HABP2: variants seen among roughly 807,000 people sequenced by gnomAD.
HABP2 encodes factor VII-activating protease.
In HABP2, 65 loss-of-function variants were observed where a neutral mutation model predicts 66.5. The ratio of observed to expected loss-of-function variants is 0.98; its 90% confidence interval spans 0.80 to 1.20. The LOEUF (loss-of-function observed/expected upper bound fraction) is 1.20. Ranked by LOEUF, HABP2 falls within the 50% of genes most tolerant of loss-of-function variation. HABP2 has a pLI of 0.00. For missense variants in HABP2, 786 were observed against 691.0 expected (o/e 1.14, Z -1.54); for synonymous variants, 263 against 253.9 (o/e 1.04, Z -0.34).
chr10:113,555,170 T>A (rs150204846), intron 1 of HABP2, among the ~76,000 whole-genome samples: 29 of 152,352 alleles, frequency 1.9e-4, no homozygotes, highest in Admixed American at 6.5e-4. Context: ...GAACTTTCCA[T>A]GAATTGGTTC....
At position 113,578,610 on chromosome 10, in the gene HABP2, T is replaced by C; in HGVS notation, c.569-17T>C. On this transcript the variant is annotated splice_polypyrimidine_tract_variant and intron_variant, in intron 6 of 12. Transcript: ENST00000351270. Reference sequence around the variant, plus strand: ...CAATGGCTGTTGGTTCTCACATTGCTACCTGCTCTCTCGGAGGTTCTGATG... The same window carrying C: ...CAATGGCTGTTGGTTCTCACATTGCCACCTGCTCTCTCGGAGGTTCTGATG... The C allele has an allele frequency of 6.3e-7, 1 of 1,599,308 alleles. No individual in the cohort carries two copies. Among genetic ancestry groups the C allele is most frequent in the Non-Finnish European group, 8.6e-7 (1 of 1,169,192 alleles).
chr10:113,555,874 G>A (rs904073929), intron 1 of HABP2, among the ~76,000 whole-genome samples: 1 of 152,176 alleles, frequency 6.6e-6, no homozygotes, highest in South Asian at 2.1e-4. Context: ...TAAATAAGGC[G>A]TGGACTGTCT....
chr10:113,552,373 C>A (rs1844913346), upstream of HABP2, among the ~76,000 whole-genome samples: 1 of 152,196 alleles, frequency 6.6e-6, no homozygotes, highest in South Asian at 2.1e-4. Context: ...CTTGACAGAA[C>A]TCTACCTGCA....
At chr10:113,574,493 G>A (rs530453219) in intron 3 of HABP2, 88 bp downstream of exon 3, 145 of 692,326 alleles carry the variant, frequency 2.1e-4, no homozygotes, top group Middle Eastern at 1.1e-3. Flanking sequence ...CTCTCTCTCC[G>A]CCTCTCTGGC....
intron 1 of HABP2, among the ~76,000 whole-genome samples, chr10:113,562,003 A>C (rs1845108289): frequency 6.6e-6 from 1 of 151,932 alleles, no homozygotes; most frequent in Admixed American, 6.6e-5. Flanking sequence ...AGACTTTGAG[A>C]CTCTGGTGGC....
In HABP2 at chr10:113,581,734, C is replaced by T. The variant is rs575437422; in HGVS notation, c.839-142C>T. On this transcript the variant is annotated intron_variant, in intron 8 of 12. Transcript: ENST00000351270. ...ATATCAACTGTGCACCTACTGCATG[C>T]CCACCCTGTCTGCACCAGTGCAGTC... 119 of 748,152 alleles carry T rather than the reference C, an allele frequency of 1.6e-4. 3 individuals carry two copies. In the South Asian group the frequency reaches 1.6e-3, roughly 10 times the overall value. 46.3% of individuals were successfully genotyped at this position (748,152 alleles called of 1,614,324 possible).
intron 1 of HABP2, among the ~76,000 whole-genome samples, chr10:113,555,024 C>A (rs923248096): frequency 1.3e-5 from 2 of 152,150 alleles, no homozygotes; most frequent in Non-Finnish European, 2.9e-5. Flanking sequence ...CGTTCAGATG[C>A]TTTGGAGAGT....
In HABP2 at chr10:113,573,922, G is replaced by A. The variant is rs866134933; in HGVS notation, c.107-367G>A. On this transcript the variant is annotated intron_variant, in intron 2 of 12. Coordinates refer to ENST00000351270, the MANE Select transcript of HABP2 (RefSeq NM_004132.5). ...AGACCCCATGTAGGACCCTGTAGAC[G>A]TGCTAGGTCCCAATCCTCTTCCTGC... Among the ~76,000 whole-genome samples, 5 of 152,300 alleles carry A rather than the reference G, an allele frequency of 3.3e-5. 1 individual carries two copies. In the South Asian group the frequency reaches 8.3e-4, roughly 25 times the overall value.
rs767659746 is a variant in HABP2 at position 113,581,957 on chromosome 10, CAG to C, written c.925_926del (p.Arg309GlufsTer10). ...GACTCCTGTGGAAAGACTGAGATAG[CAG>C]AGAGGAAGATCAAGAGAATCTATGG... is the stretch of plus-strand genomic sequence containing the variant. On this transcript the variant is annotated frameshift_variant, in exon 9 of 13. Coordinates refer to ENST00000351270, the MANE Select transcript of HABP2 (RefSeq NM_004132.5). LOFTEE classifies it high-confidence loss of function. The C allele has an allele frequency of 6.2e-7, 1 of 1,614,104 alleles. No individual in the cohort carries two copies. Among genetic ancestry groups the C allele is most frequent in the Admixed American group, 1.7e-5 (1 of 60,028 alleles).
In HABP2 at chr10:113,588,629, A is replaced by G. The variant is rs1845724433; in HGVS notation, c.*260A>G. On this transcript the variant is annotated 3_prime_UTR_variant, in exon 13 of 13. Coordinates refer to ENST00000351270, the MANE Select transcript of HABP2 (RefSeq NM_004132.5). Reference sequence around the variant, plus strand: ...CATAGTATGTTTGCTTTCCTTACCCAATTGTACCTTCTAGAAAATCAGTGT... The same window carrying G: ...CATAGTATGTTTGCTTTCCTTACCCGATTGTACCTTCTAGAAAATCAGTGT... 2 of 526,202 alleles carry G rather than the reference A, an allele frequency of 3.8e-6. No homozygotes were observed. Among genetic ancestry groups the G allele is most frequent in the South Asian group, 3.2e-5 (1 of 31,214 alleles). The allele number at this position is 526,202 out of a possible 1,614,324, so 32.6% of individuals were successfully genotyped here. A position where few individuals can be genotyped will look rare whatever the true frequency, so the allele number is the denominator to read the frequency against.
intron 2 of HABP2, chr10:113,570,118 T>C (rs1161850176): frequency 6.6e-6 from 1 of 152,190 alleles, no homozygotes; most frequent in African/African-American, 2.4e-5. Context: ...TATAAGAGAT[T>C]CCAGGATCGT....
At chr10:113,569,391 A>T (rs1845260767) in intron 2 of HABP2, among the ~76,000 whole-genome samples, 1 of 152,208 alleles carries the variant, frequency 6.6e-6, no homozygotes, top group Admixed American at 6.5e-5. Flanking sequence ...ATCCCTGTTC[A>T]GTGTCCGACT....
chr10:113,576,041 G>T, intron 4 of HABP2, 37 bp downstream of exon 4: 1 of 1,112,562 alleles, frequency 9.0e-7, no homozygotes. Flanking sequence ...TTCCCTCTGA[G>T]TTAAACAAGA....
chr10:113,579,853 G>A (rs1265794653), intron 7 of HABP2, among the ~76,000 whole-genome samples: 1 of 151,910 alleles, frequency 6.6e-6, no homozygotes, highest in African/African-American at 2.4e-5. Context: ...CACCATCTCA[G>A]CTCACTGCAA....
At chr10:113,584,777 T>C (rs1845602784) in intron 11 of HABP2, among the ~76,000 whole-genome samples, 1 of 152,222 alleles carries the variant, frequency 6.6e-6, no homozygotes, top group African/African-American at 2.4e-5. Context: ...GTCCCATTCA[T>C]CTCTGTCTGT....
Position 113,585,901 on chromosome 10 carries a change from C to A in HABP2, c.1481C>A (p.Ala494Glu). ...ATGATTGATGACAGTATGATCTGTG[C>A]AGGAAATCTTCAGAAACCTGGGCAA... ...DHMIDDSMIC[A>E]GNLQKPGQDT... The change falls in exon 12 of 13, where the codon GCA (alanine) becomes GAA (glutamate). Residue 494 changes from alanine to glutamate, a missense_variant. By Grantham distance (107) the Ala-to-Glu change is moderately radical. Transcript: ENST00000351270. The A allele has an allele frequency of 6.2e-7, 1 of 1,613,800 alleles. No homozygotes were observed. The highest frequency in any genetic ancestry group is 1.1e-5 in the South Asian group (1 of 91,070).
Position 113,589,263 on chromosome 10 carries a change from GC to G in HABP2, c.*896del. On this transcript the variant is annotated 3_prime_UTR_variant, in exon 13 of 13. Transcript: ENST00000351270. Reference sequence around the variant, plus strand: ...TTCAAGGCAGGAATGAGAAAGCAAAGCCAATCTCTCATTTAGACCTGGCTTC... The same window carrying G: ...TTCAAGGCAGGAATGAGAAAGCAAAGCAATCTCTCATTTAGACCTGGCTTC... The G allele has an allele frequency of 1.7e-6, 1 of 594,378 alleles. No individual in the cohort carries two copies. Among genetic ancestry groups the G allele is most frequent in the Non-Finnish European group, 3.0e-6 (1 of 337,934 alleles). The allele number at this position is 594,378 out of a possible 1,614,324, so 36.8% of individuals were successfully genotyped here.
chr10:113,586,900 G>T (rs1301579943), intron 12 of HABP2, among the ~76,000 whole-genome samples: 1 of 152,210 alleles, frequency 6.6e-6, no homozygotes, highest in Non-Finnish European at 1.5e-5. Flanking sequence ...TCCAGGGTTT[G>T]TGGCTCTCCT....
chr10:113,574,305 G>T lies in HABP2; in HGVS notation c.123G>T (p.Gln41His). Residue 41 changes from glutamine (Q) to histidine (H), a missense_variant, in exon 3 of 13, where the codon CAG (glutamine) becomes CAT (histidine). Transcript: ENST00000351270. The stretch of plus-strand genomic sequence containing the variant: ...TCCCTGCAGACTGGACCCCTGACCA[G>T]TATGATTACAGCTACGAGGATTATA... Reference protein sequence around the residue: ...ESLDPDWTPDQYDYSYEDYNQ... With the variant: ...ESLDPDWTPDHYDYSYEDYNQ... 6.3e-7 allele frequency: 1 copy of T among 1,592,114 alleles called. No individual in the cohort carries two copies. The highest frequency in any genetic ancestry group is 8.6e-7 in the Non-Finnish European group (1 of 1,159,788).
Sources: gnomAD v4.1 joint callset for allele counts (sites outside exome capture counted in the v4.1 genomes callset) on GRCh38, gnomAD v4.1.1 for gene constraint, MANE v1.5 for transcripts, NCBI Gene and HGNC (gene_info 2026-07-23, HGNC 2026-07-21) for gene names.